SLC44A1: variants seen among roughly 807,000 people sequenced by gnomAD.
SLC44A1 encodes choline transporter-like protein 1.
A neutral mutation model predicts 79.3 loss-of-function variants in SLC44A1; 26 were observed. The observed-to-expected ratio is 0.33, with a 90% CI of 0.24 to 0.46. The LOEUF (loss-of-function observed/expected upper bound fraction) is 0.46, where lower values mean the gene tolerates loss of function less well. Ranked by LOEUF, SLC44A1 falls within the 20% of genes least tolerant of loss-of-function variation. SLC44A1 has a pLI of 1.00. For missense variants in SLC44A1, 688 were observed against 798.1 expected (o/e 0.86, Z 1.66); for synonymous variants, 263 against 286.2 (o/e 0.92, Z 0.82).
At chr9:105,346,505 A>G (rs982968936) in intron 4 of SLC44A1, among the ~76,000 whole-genome samples, 1 of 152,102 alleles carries the variant, frequency 6.6e-6, no homozygotes, top group African/African-American at 2.4e-5. Flanking sequence ...TAAGTTGACA[A>G]TTCAGATCAG....
intron 11 of SLC44A1, among the ~76,000 whole-genome samples, chr9:105,365,977 C>G (rs1419933754): frequency 1.3e-5 from 2 of 152,196 alleles, no homozygotes; most frequent in East Asian, 3.8e-4. Context: ...AGAAACCTTT[C>G]CTGATTCCTC....
intron 1 of SLC44A1, among the ~76,000 whole-genome samples, chr9:105,282,887 A>AT (rs1830391110): frequency 6.6e-6 from 1 of 151,938 alleles, no homozygotes; most frequent in Non-Finnish European, 1.5e-5. Context: ...AAGAAGGAGG[A>AT]TTTGGGGGTT....
intron 15 of SLC44A1, among the ~76,000 whole-genome samples, chr9:105,406,727 G>A (rs532486920): frequency 3.3e-5 from 5 of 152,256 alleles, no homozygotes; most frequent in Non-Finnish European, 7.4e-5. Flanking sequence ...GGGTGACAGA[G>A]CAAGACTTCA....
intron 1 of SLC44A1, among the ~76,000 whole-genome samples, chr9:105,289,452 G>A (rs1030312648): frequency 1.3e-5 from 2 of 152,132 alleles, no homozygotes; most frequent in African/African-American, 2.4e-5. Context: ...CATCAAAAAG[G>A]TCATCTACTG....
chr9:105,281,439 G>A lies in SLC44A1; in HGVS notation c.37-17781G>A, dbSNP rs114668140. Among the ~76,000 whole-genome samples the A allele has an allele frequency of 6.8e-3, 1,037 of 152,184 alleles. 10 individuals are homozygous for A. Among genetic ancestry groups the A allele is most frequent in the African/African-American group, 0.023 (960 of 41,494 alleles). ...ATTGCCTATAATAGTTTTCATAAAT[G>A]TGGTCACCAGAAAGATGAGTCATGG... is the stretch of plus-strand genomic sequence containing the variant. On this transcript the variant is annotated intron_variant, in intron 1 of 15. Coordinates refer to ENST00000374720, the MANE Select transcript of SLC44A1 (RefSeq NM_080546.5).
At chr9:105,293,196 A>G (rs1269376178) in intron 1 of SLC44A1, among the ~76,000 whole-genome samples, 1 of 152,228 alleles carries the variant, frequency 6.6e-6, no homozygotes, top group Non-Finnish European at 1.5e-5. Context: ...GCAGCTTCAT[A>G]TAATTGACTC....
chr9:105,339,230 A>C (rs1428914497), intron 4 of SLC44A1, among the ~76,000 whole-genome samples: 1 of 150,406 alleles, frequency 6.6e-6, no homozygotes, highest in Non-Finnish European at 1.5e-5. Flanking sequence ...AAGATCTACT[A>C]TAAAAAAAAA....
chr9:105,401,967 T>A (rs998045501), downstream of SLC44A1, among the ~76,000 whole-genome samples: 2 of 152,084 alleles, frequency 1.3e-5, no homozygotes, highest in Non-Finnish European at 2.9e-5. Context: ...AGCTGAGTCT[T>A]GAAGGATAAG....
At chr9:105,361,473 C>T in intron 8 of SLC44A1, 143 bp downstream of exon 8, 1 of 777,264 alleles carries the variant, frequency 1.3e-6, no homozygotes, top group Non-Finnish European at 2.0e-6. Context: ...GTGTATGAAA[C>T]ACTAAAAAGT....
chr9:105,288,920 A>T (rs1335429485), intron 1 of SLC44A1, among the ~76,000 whole-genome samples: 2 of 152,250 alleles, frequency 1.3e-5, no homozygotes, highest in African/African-American at 4.8e-5. Flanking sequence ...ATAAAGGCTC[A>T]AAGAAATCCT....
chr9:105,414,583 A>G (rs1195228962), intron 15 of SLC44A1, among the ~76,000 whole-genome samples: 2 of 152,216 alleles, frequency 1.3e-5, no homozygotes, highest in Non-Finnish European at 2.9e-5. Flanking sequence ...GCCGTAAAAC[A>G]TAGCAGCATT....
At chr9:105,383,074 G>C in intron 13 of SLC44A1, 49 bp from the exon 14 acceptor site, 1 of 1,315,266 alleles carries the variant, frequency 7.6e-7, no homozygotes, top group Non-Finnish European at 1.1e-6. Context: ...AAAAAGAGTG[G>C]CTTTCTTCAG....
chr9:105,308,583 C>T (rs576840368), intron 2 of SLC44A1, among the ~76,000 whole-genome samples: 11 of 152,246 alleles, frequency 7.2e-5, no homozygotes, highest in African/African-American at 2.6e-4. Flanking sequence ...GTTTGTTTGC[C>T]TTTTTGGGTA....
At chr9:105,306,697 C>T (rs149072980) in intron 2 of SLC44A1, among the ~76,000 whole-genome samples, 6 of 151,730 alleles carry the variant, frequency 4.0e-5, no homozygotes, top group South Asian at 2.1e-4. Context: ...TGCCTACATC[C>T]GAGAGGGTTG....
At chr9:105,354,858 G>A (rs972561532) in intron 5 of SLC44A1, among the ~76,000 whole-genome samples, 1 of 152,200 alleles carries the variant, frequency 6.6e-6, no homozygotes, top group African/African-American at 2.4e-5. Context: ...AAGGAAACAA[G>A]GATAGTGTTT....
chr9:105,380,382 T>G (rs1162780860), intron 13 of SLC44A1, among the ~76,000 whole-genome samples: 5 of 151,996 alleles, frequency 3.3e-5, no homozygotes, highest in Non-Finnish European at 5.9e-5. Context: ...GGAATCTGGT[T>G]TTGTGCCCAG....
intron 3 of SLC44A1, among the ~76,000 whole-genome samples, chr9:105,310,087 A>G (rs1051020104): frequency 2.0e-5 from 3 of 152,080 alleles, no homozygotes; most frequent in Non-Finnish European, 2.9e-5. Context: ...CCATGTTAAA[A>G]TGGTCTACCT....
At chr9:105,275,757 T>A (rs1011479028) in intron 1 of SLC44A1, among the ~76,000 whole-genome samples, 5 of 152,090 alleles carry the variant, frequency 3.3e-5, no homozygotes, top group Non-Finnish European at 7.4e-5. Context: ...CCCCCTGTAG[T>A]TTCAGTTTTG....
At chr9:105,300,011 A>G in intron 2 of SLC44A1, 1 of 856,692 alleles carries the variant, frequency 1.2e-6, no homozygotes, top group Non-Finnish European at 1.4e-6. Flanking sequence ...CTTCAGTGGC[A>G]TTAGAGTCCC....
Sources: allele counts gnomAD v4.1 joint callset (sites outside exome capture counted in the v4.1 genomes callset), GRCh38; gene constraint gnomAD v4.1.1; transcripts MANE v1.5; gene names NCBI Gene and HGNC (gene_info 2026-07-23, HGNC 2026-07-21).